PRKCQ: variants seen among roughly 807,000 people sequenced by gnomAD.
PRKCQ encodes protein kinase C theta.
Under a neutral mutation model 91.2 loss-of-function variants are expected in PRKCQ, and 41 were observed. The observed-to-expected ratio is 0.45, with a 90% confidence interval of 0.35 to 0.58. The LOEUF (loss-of-function observed/expected upper bound fraction) is 0.58. Among genes scored for constraint, PRKCQ ranks in the 20% least tolerant of loss-of-function variants. The pLI is 0.00. For missense variants in PRKCQ, 673 were observed against 896.5 expected, an observed-to-expected ratio of 0.75 and a Z score of 3.18; for synonymous variants, 307 against 316.9, an observed-to-expected ratio of 0.97 and a Z score of 0.33.
At chr10:6,472,880 T>G (rs1398058069) in intron 12 of PRKCQ, among the ~76,000 whole-genome samples, 1 of 152,068 alleles carries the variant, frequency 6.6e-6, no homozygotes, top group African/African-American at 2.4e-5. Flanking sequence ...GCCTGGCTAA[T>G]TTTTGTATTT....
At position 6,542,721 on chromosome 10, in the gene PRKCQ, G is replaced by C. The variant is rs185116762; in HGVS notation, c.-9-27577C>G. On this transcript the variant is annotated intron_variant, in intron 1 of 17. Coordinates refer to ENST00000263125, the MANE Select transcript of PRKCQ (RefSeq NM_006257.5). ...TATGTCCTGGGCCATCAGAAGATCA[G>C]CTTAATATTAAATTTGACGTTACGA... Among the ~76,000 whole-genome samples the C allele has an allele frequency of 3.9e-5, 6 of 152,224 alleles. No homozygotes were observed. The East Asian group carries it at 1.2e-3, about 29-fold the overall frequency.
intron 11 of PRKCQ, among the ~76,000 whole-genome samples, chr10:6,480,150 C>G (rs1416184414): frequency 6.6e-6 from 1 of 152,088 alleles, no homozygotes; most frequent in East Asian, 1.9e-4. Flanking sequence ...TTTCGTGGCT[C>G]TCGTATCAAA....
intron 12 of PRKCQ, among the ~76,000 whole-genome samples, chr10:6,478,032 G>C (rs1836364668): frequency 6.6e-6 from 1 of 152,212 alleles, no homozygotes; most frequent in African/African-American, 2.4e-5. Context: ...AGACAAACCA[G>C]TAAGAAGAAT....
chr10:6,423,802 C>A (rs1242270277), downstream of PRKCQ, among the ~76,000 whole-genome samples: 1 of 152,184 alleles, frequency 6.6e-6, no homozygotes, highest in Non-Finnish European at 1.5e-5. Context: ...GTCTAAAATT[C>A]TTCAGGAGAG....
downstream of PRKCQ, among the ~76,000 whole-genome samples, chr10:6,426,103 T>TTTAAC (rs1285918009): frequency 6.6e-6 from 1 of 152,160 alleles, no homozygotes; most frequent in African/African-American, 2.4e-5. Flanking sequence ...TCACTGACCT[T>TTTAAC]TTAACTTTGC....
intron 16 of PRKCQ, among the ~76,000 whole-genome samples, chr10:6,431,173 C>T (rs768951659): frequency 6.6e-6 from 1 of 152,186 alleles, no homozygotes; most frequent in East Asian, 1.9e-4. Context: ...GATTTGAAAC[C>T]GGCTTTGCCC....
intron 1 of PRKCQ, among the ~76,000 whole-genome samples, chr10:6,557,415 T>G (rs1203622351): frequency 6.6e-6 from 1 of 152,234 alleles, no homozygotes; most frequent in Non-Finnish European, 1.5e-5. Flanking sequence ...ATTCAATTTC[T>G]TGGTCTTCCT....
chr10:6,526,841 C>A (rs1839216777), intron 1 of PRKCQ, among the ~76,000 whole-genome samples: 1 of 152,132 alleles, frequency 6.6e-6, no homozygotes, highest in South Asian at 2.1e-4. Flanking sequence ...GTACCCTGGT[C>A]CCTGTGTTGA....
chr10:6,499,628 G>C (rs1458738618), intron 4 of PRKCQ, among the ~76,000 whole-genome samples: 1 of 152,144 alleles, frequency 6.6e-6, no homozygotes, highest in Non-Finnish European at 1.5e-5. Context: ...TTTTGTAATA[G>C]CTTGAAGACT....
chr10:6,486,580 C>T (rs1364447048), intron 8 of PRKCQ, among the ~76,000 whole-genome samples: 1 of 152,248 alleles, frequency 6.6e-6, no homozygotes, highest in African/African-American at 2.4e-5. Context: ...GGTAGCCCTG[C>T]TCTGCAGGAG....
the PRKCQ span, among the ~76,000 whole-genome samples, chr10:6,405,287 T>G: frequency 1.3e-5 from 2 of 152,146 alleles, no homozygotes; most frequent in Non-Finnish European, 2.9e-5. Context: ...CCGGTCAGAT[T>G]CTGTTTTTCA....
intron 1 of PRKCQ, among the ~76,000 whole-genome samples, chr10:6,560,007 T>A (rs1840566457): frequency 6.6e-6 from 1 of 152,368 alleles, no homozygotes; most frequent in African/African-American, 2.4e-5. Flanking sequence ...AAAGTAGGCA[T>A]AGGCTTGACG....
chr10:6,499,391 C>A (rs983107920), intron 4 of PRKCQ, among the ~76,000 whole-genome samples: 1 of 152,164 alleles, frequency 6.6e-6, no homozygotes, highest in Non-Finnish European at 1.5e-5. Flanking sequence ...CTAAGATAGT[C>A]AAATTATGAG....
chr10:6,515,459 G>A (rs1838713959), intron 1 of PRKCQ: 1 of 985,258 alleles, frequency 1.0e-6, no homozygotes, highest in South Asian at 4.7e-5. Context: ...TGAGGCAAAA[G>A]TTTTCCAATA....
At chr10:6,405,278 C>T in the PRKCQ span, among the ~76,000 whole-genome samples, 4 of 152,192 alleles carry the variant, frequency 2.6e-5, no homozygotes, top group Admixed American at 6.5e-5. Context: ...CCACCGCGCC[C>T]GGTCAGATTC....
chr10:6,565,247 C>CAT (rs971868639), intron 1 of PRKCQ, among the ~76,000 whole-genome samples: 34 of 152,108 alleles, frequency 2.2e-4, no homozygotes, highest in African/African-American at 6.8e-4. Flanking sequence ...TATTTAGACC[C>CAT]ATAGGTCTAG....
chr10:6,405,592 C>G, the PRKCQ span, among the ~76,000 whole-genome samples: 1 of 152,122 alleles, frequency 6.6e-6, no homozygotes, highest in Non-Finnish European at 1.5e-5. Flanking sequence ...TTTTAATAGC[C>G]AAGTGTTAAG....
At chr10:6,491,010 T>C (rs1427213482) in intron 8 of PRKCQ, among the ~76,000 whole-genome samples, 2 of 152,216 alleles carry the variant, frequency 1.3e-5, no homozygotes, top group African/African-American at 4.8e-5. Flanking sequence ...TTTCCTTTTT[T>C]GATGGTAGGT....
intron 1 of PRKCQ, among the ~76,000 whole-genome samples, chr10:6,542,245 T>C (rs1050652698): frequency 6.6e-6 from 1 of 152,256 alleles, no homozygotes; most frequent in African/African-American, 2.4e-5. Context: ...TAGTCTATTT[T>C]CAGCCCAACA....
Sources: gnomAD v4.1 joint callset for allele counts (sites outside exome capture counted in the v4.1 genomes callset) on GRCh38, gnomAD v4.1.1 for gene constraint, MANE v1.5 for transcripts, NCBI Gene and HGNC (gene_info 2026-07-23, HGNC 2026-07-21) for gene names.